L3MBTL4: variants seen among roughly 807,000 people sequenced by gnomAD.
L3MBTL4 encodes L3MBTL histone methyl-lysine binding protein 4.
Under a neutral mutation model 84.5 loss-of-function variants are expected in L3MBTL4, and 70 were observed. The ratio of observed to expected loss-of-function variants is 0.83; its 90% CI spans 0.68 to 1.01. L3MBTL4 has a LOEUF of 1.01. L3MBTL4 is among the 50% of genes least tolerant of loss of function. The pLI, the probability that L3MBTL4 is intolerant of heterozygous loss-of-function variation, is 0.00. For missense variants in L3MBTL4, 715 were observed against 754.8 expected, an observed-to-expected ratio of 0.95 and a Z score of 0.62; for synonymous variants, 274 against 259.8, an observed-to-expected ratio of 1.05 and a Z score of -0.52.
chr18:6,215,894 T>C (rs1347325953), intron 10 of L3MBTL4, 59 bp from the exon 11 acceptor site: 2 of 960,296 alleles, frequency 2.1e-6, no homozygotes, highest in Non-Finnish European at 3.1e-6. Context: ...GATTCCCGTA[T>C]ACTACAAAAC....
intron 1 of L3MBTL4, among the ~76,000 whole-genome samples, chr18:6,312,457 C>G (rs745442018): frequency 1.3e-5 from 2 of 152,090 alleles, no homozygotes; most frequent in Non-Finnish European, 2.9e-5. Flanking sequence ...GTTCTAGGCT[C>G]TCCTCCTCTT....
chr18:6,348,517 G>C (rs1438358278), intron 1 of L3MBTL4, among the ~76,000 whole-genome samples: 1 of 152,110 alleles, frequency 6.6e-6, no homozygotes, highest in East Asian at 1.9e-4. Flanking sequence ...TGAATGAATA[G>C]TACTGGGGCC....
intron 13 of L3MBTL4, among the ~76,000 whole-genome samples, chr18:6,149,379 C>T (rs577040760): frequency 6.6e-6 from 1 of 152,066 alleles, no homozygotes; most frequent in African/African-American, 2.4e-5. Flanking sequence ...GACATGAACT[C>T]ATCATTTTTT....
At position 6,004,997 on chromosome 18, in the gene L3MBTL4, A is replaced by ATTTTTTTTTTTTTT. The variant is rs60294342; in HGVS notation, c.1445-35449_1445-35436dup. ...ACACATAAAAATGGTTAAGATGATAATTTTTTTTTTTTTTTTTTTTTTTTT... is the reference window on the plus strand; with the variant it reads ...ACACATAAAAATGGTTAAGATGATAATTTTTTTTTTTTTTTTTTTTTTTTTTTTTTTTTTTTTTT... On this transcript the variant is annotated intron_variant, in intron 16 of 18. Transcript: ENST00000317931. Among the ~76,000 whole-genome samples, 47 of 52,152 alleles carry ATTTTTTTTTTTTTT rather than the reference A, an allele frequency of 9.0e-4. 6 individuals carry two copies. The highest frequency in any genetic ancestry group is 1.1e-3 in the Non-Finnish European group (33 of 28,958). The allele number at this position is 52,152 out of a possible 152,430, so 34.2% of individuals were successfully genotyped here. A position where few individuals can be genotyped will look rare whatever the true frequency, so the allele number is the denominator to read the frequency against.
intron 16 of L3MBTL4, among the ~76,000 whole-genome samples, chr18:5,989,561 A>G (rs2145124628): frequency 6.6e-6 from 1 of 152,328 alleles, no homozygotes; most frequent in African/African-American, 2.4e-5. Flanking sequence ...CAAACATGCA[A>G]ACAAAAACTG....
At chr18:6,121,455 T>A (rs758167096) in intron 14 of L3MBTL4, among the ~76,000 whole-genome samples, 4 of 152,206 alleles carry the variant, frequency 2.6e-5, no homozygotes, top group Non-Finnish European at 1.5e-5. Flanking sequence ...AATTATCATA[T>A]CATCAAAATG....
chr18:5,982,027 A>C (rs2053251582), intron 16 of L3MBTL4, among the ~76,000 whole-genome samples: 1 of 143,048 alleles, frequency 7.0e-6, no homozygotes, highest in African/African-American at 2.9e-5. Context: ...AAAAAAAGGA[A>C]GAACGAAAGC....
intron 14 of L3MBTL4, among the ~76,000 whole-genome samples, chr18:6,118,281 C>A (rs542007507): frequency 2.0e-5 from 3 of 149,094 alleles, no homozygotes; most frequent in East Asian, 4.1e-4. Context: ...CCCTCCTATC[C>A]CCCTTTGTTT....
intron 15 of L3MBTL4, among the ~76,000 whole-genome samples, chr18:6,090,921 A>G (rs1257162888): frequency 1.3e-5 from 2 of 152,036 alleles, no homozygotes; most frequent in Admixed American, 6.6e-5. Flanking sequence ...CCAGAGCTCA[A>G]TGGTGGATGG....
intron 3 of L3MBTL4, among the ~76,000 whole-genome samples, chr18:6,307,918 G>C (rs1450336654): frequency 6.6e-6 from 1 of 151,630 alleles, no homozygotes; most frequent in Non-Finnish European, 1.5e-5. Flanking sequence ...TTTTTCTTTT[G>C]TGAAACTTGC....
At chr18:6,177,422 A>G (rs2044272114) in intron 12 of L3MBTL4, among the ~76,000 whole-genome samples, 1 of 152,202 alleles carries the variant, frequency 6.6e-6, no homozygotes, top group East Asian at 1.9e-4. Context: ...AATAGAAACC[A>G]GGTCCATGGT....
At chr18:6,219,404 C>A (rs1241202010) in intron 10 of L3MBTL4, among the ~76,000 whole-genome samples, 3 of 150,706 alleles carry the variant, frequency 2.0e-5, no homozygotes, top group Non-Finnish European at 4.4e-5. Context: ...ATTATTTATT[C>A]ATGTCCCACC....
intron 1 of L3MBTL4, among the ~76,000 whole-genome samples, chr18:6,319,866 C>T (rs1048404414): frequency 2.0e-5 from 3 of 151,968 alleles, no homozygotes; most frequent in Non-Finnish European, 4.4e-5. Flanking sequence ...ATCAATATCC[C>T]TGATGAACAT....
intron 1 of L3MBTL4, among the ~76,000 whole-genome samples, chr18:6,319,660 C>G (rs557956304): frequency 6.6e-5 from 10 of 151,966 alleles, no homozygotes; most frequent in African/African-American, 2.4e-4. Flanking sequence ...CAAAAAAAAG[C>G]ACAGAGCAAG....
intron 16 of L3MBTL4, 87 bp from the exon 17 acceptor site, chr18:5,969,649 C>T (rs2052538238): frequency 7.2e-7 from 1 of 1,393,688 alleles, no homozygotes; most frequent in East Asian, 2.4e-5. Flanking sequence ...GGGCCCAAGT[C>T]AGGGGACGGA....
Position 6,301,886 on chromosome 18 carries a change from A to C in L3MBTL4, c.127+17T>G, listed in dbSNP as rs768024409. 1.5e-5 allele frequency: 24 copies of C among 1,592,840 alleles called. No individual in the cohort carries two copies. The highest frequency in any genetic ancestry group is 1.9e-5 in the Non-Finnish European group (22 of 1,160,490). On this transcript the variant is annotated intron_variant, in intron 4 of 18. Transcript: ENST00000317931. ...TGTTCACTGTGAACTACCACTGTAA[A>C]TATTGGTGATAATTACCGTGACTCA...
In L3MBTL4 at chr18:6,414,084, G is replaced by T. The variant is rs1048340005; in HGVS notation, c.-91+717C>A. The T allele has an allele frequency of 6.6e-6, 1 of 152,278 alleles. No homozygotes were observed. Among genetic ancestry groups the T allele is most frequent in the Non-Finnish European group, 1.5e-5 (1 of 68,078 alleles). 9.4% of individuals were successfully genotyped at this position (152,278 alleles called of 1,614,324 possible). The stretch of plus-strand genomic sequence containing the variant: ...AAGCGGGCCCAAGAAGGCCCGGAGA[G>T]CAGGCGAGGGCGACTGTGGCCGGCG... On this transcript the variant is annotated intron_variant, in intron 1 of 18. Coordinates refer to ENST00000317931, the MANE Select transcript of L3MBTL4 (RefSeq NM_001330559.2). This position sits in a 1 kb window ranked among gnomAD's most constrained non-coding sequence, Gnocchi z 5.4.
chr18:5,988,545 C>A (rs754851556), intron 16 of L3MBTL4, among the ~76,000 whole-genome samples: 2 of 152,138 alleles, frequency 1.3e-5, no homozygotes, highest in African/African-American at 4.8e-5. Context: ...GCTTAGCTAA[C>A]TCTTTTTTTC....
chr18:6,192,566 C>T (rs535304779), intron 12 of L3MBTL4, among the ~76,000 whole-genome samples: 8 of 151,816 alleles, frequency 5.3e-5, no homozygotes, highest in African/African-American at 7.3e-5. Context: ...TAGGCATCAT[C>T]GGCTGAGAAC....
Sources: gnomAD v4.1 joint callset for allele counts (sites outside exome capture counted in the v4.1 genomes callset) on GRCh38, gnomAD v4.1.1 for gene constraint, Gnocchi (gnomAD v3.1) non-coding constraint, MANE v1.5 for transcripts, NCBI Gene and HGNC (gene_info 2026-07-23, HGNC 2026-07-21) for gene names.